The following SORCS1 variants were observed in gnomAD, a reference collection of about 807,000 sequenced individuals.
SORCS1 encodes the protein VPS10 domain-containing receptor SorCS1.
Under a neutral mutation model 146.1 loss-of-function variants are expected in SORCS1, and 60 were observed. The ratio of observed to expected loss-of-function variants is 0.41; its 90% CI spans 0.33 to 0.51. SORCS1 has a LOEUF of 0.51. SORCS1 is among the 20% of genes least tolerant of loss of function. The probability of loss-of-function intolerance (pLI) is 0.21; values close to 1 mark genes in which losing one functional copy is unlikely to be tolerated. For missense variants in SORCS1, 1,352 were observed against 1,487.6 expected (o/e 0.91, Z 1.50); for synonymous variants, 637 against 584.0 (o/e 1.09, Z -1.31).
chr10:106,873,353 A>G (rs1950481906), intron 2 of SORCS1, among the ~76,000 whole-genome samples: 1 of 152,012 alleles, frequency 6.6e-6, no homozygotes, highest in Non-Finnish European at 1.5e-5. Flanking sequence ...CTTGATATTT[A>G]TATTCCTAGA....
At chr10:106,627,637 C>T (rs563228667) in intron 19 of SORCS1, among the ~76,000 whole-genome samples, 49 of 152,222 alleles carry the variant, frequency 3.2e-4, no homozygotes, top group Non-Finnish European at 4.6e-4. Context: ...CTATATAGGA[C>T]GAGTTAGGGA....
intron 1 of SORCS1, among the ~76,000 whole-genome samples, chr10:106,976,972 C>G (rs971223403): frequency 2.6e-5 from 4 of 152,170 alleles, no homozygotes; most frequent in Non-Finnish European, 4.4e-5. Flanking sequence ...CATGTCTTTG[C>G]TATTGCAAAC....
chr10:106,579,138 C>T lies in SORCS1; in HGVS notation c.3371+231G>A, dbSNP rs747172203. ...CTCATCTATAAGCTGGCCAGGCCTC[C>T]TTAGTTCAGTCTGAGGGACATTGGG... On this transcript the variant is annotated intron_variant, in intron 25 of 25. Coordinates refer to ENST00000263054, the MANE Select transcript of SORCS1 (RefSeq NM_052918.5). The T allele has an allele frequency of 3.3e-5, 54 of 1,613,996 alleles. No homozygotes were observed. In the South Asian group the frequency reaches 5.3e-4, roughly 16 times the overall value.
At chr10:107,038,925 A>G (rs1271823653) in intron 1 of SORCS1, among the ~76,000 whole-genome samples, 2 of 152,214 alleles carry the variant, frequency 1.3e-5, no homozygotes, top group African/African-American at 2.4e-5. Flanking sequence ...GAGTTAATGC[A>G]AAATAAAGAG....
At chr10:106,907,905 A>G (rs976746867) in intron 2 of SORCS1, among the ~76,000 whole-genome samples, 1 of 152,070 alleles carries the variant, frequency 6.6e-6, no homozygotes, top group Non-Finnish European at 1.5e-5. Context: ...CAAAAAAAAA[A>G]AAAATTACAT....
At chr10:106,665,249 C>A (rs1408431881) in intron 17 of SORCS1, among the ~76,000 whole-genome samples, 1 of 152,008 alleles carries the variant, frequency 6.6e-6, no homozygotes, top group Non-Finnish European at 1.5e-5. Context: ...AAGTCTCACC[C>A]CCTCAAGTGG....
chr10:106,949,857 G>C (rs2138885243), intron 2 of SORCS1, among the ~76,000 whole-genome samples: 1 of 152,312 alleles, frequency 6.6e-6, no homozygotes, highest in East Asian at 1.9e-4. Context: ...TGCTTTAAGA[G>C]AGTAGACTTC....
At chr10:107,048,388 T>C (rs1441248894) in intron 1 of SORCS1, among the ~76,000 whole-genome samples, 2 of 152,196 alleles carry the variant, frequency 1.3e-5, no homozygotes, top group East Asian at 3.8e-4. Flanking sequence ...GCCTCATTTT[T>C]CTTCATGGTC....
chr10:106,735,207 A>C (rs2136053251), intron 5 of SORCS1, among the ~76,000 whole-genome samples: 1 of 152,212 alleles, frequency 6.6e-6, no homozygotes, highest in South Asian at 2.1e-4. Flanking sequence ...ATGATCTATC[A>C]AAATTATTGA....
At chr10:106,859,002 T>C (rs1029312051) in intron 2 of SORCS1, among the ~76,000 whole-genome samples, 4 of 152,228 alleles carry the variant, frequency 2.6e-5, no homozygotes, top group African/African-American at 9.6e-5. Context: ...GTTGCAGTAG[T>C]CCAGGTAAAT....
intron 2 of SORCS1, among the ~76,000 whole-genome samples, chr10:106,863,092 GAAAC>G (rs948475134): frequency 2.5e-4 from 38 of 152,054 alleles, no homozygotes; most frequent in Non-Finnish European, 4.1e-4. Context: ...AAACAAAACA[GAAAC>G]AAACAAAGAG....
intron 3 of SORCS1, among the ~76,000 whole-genome samples, chr10:106,804,040 C>T (rs988598536): frequency 6.6e-6 from 1 of 152,116 alleles, no homozygotes; most frequent in African/African-American, 2.4e-5. Flanking sequence ...AAGGAATTTC[C>T]AAACCTGAGT....
At chr10:107,051,039 C>T (rs1400006659) in intron 1 of SORCS1, among the ~76,000 whole-genome samples, 1 of 152,084 alleles carries the variant, frequency 6.6e-6, no homozygotes, top group African/African-American at 2.4e-5. Flanking sequence ...TCCCTCCCTT[C>T]CTTCCACAAA....
chr10:107,055,721 G>A (rs933928205), intron 1 of SORCS1, among the ~76,000 whole-genome samples: 1 of 152,112 alleles, frequency 6.6e-6, no homozygotes, highest in Non-Finnish European at 1.5e-5. Context: ...TAATACGGCT[G>A]AACATTTCTA....
At chr10:106,818,711 A>C (rs1947866702) in intron 3 of SORCS1, among the ~76,000 whole-genome samples, 1 of 152,216 alleles carries the variant, frequency 6.6e-6, no homozygotes. Context: ...ATGTTTTACG[A>C]GTCTAAATAG....
At chr10:106,801,753 A>G (rs560233739) in intron 3 of SORCS1, among the ~76,000 whole-genome samples, 2 of 152,100 alleles carry the variant, frequency 1.3e-5, no homozygotes, top group African/African-American at 2.4e-5. Flanking sequence ...GACGGTCTCG[A>G]TCTCCTGACC....
chr10:107,024,902 G>T (rs1226841418), intron 1 of SORCS1, among the ~76,000 whole-genome samples: 3 of 152,144 alleles, frequency 2.0e-5, no homozygotes, highest in Non-Finnish European at 1.5e-5. Flanking sequence ...ATTACAGAAG[G>T]ATTTAGACAG....
chr10:106,916,951 C>T (rs1323213887), intron 2 of SORCS1, among the ~76,000 whole-genome samples: 1 of 152,144 alleles, frequency 6.6e-6, no homozygotes, highest in East Asian at 1.9e-4. Context: ...CCATGTTGGC[C>T]AGGCTGGTCT....
Position 106,637,515 on chromosome 10 carries a change from C to G in SORCS1, c.2476-8127G>C, listed in dbSNP as rs1017278276. ...ACACGTCTTTCTCCAAATGTGCAGA[C>G]CTCCTGAGCTTCTGTGCAAGCAAAA... On this transcript the variant is annotated intron_variant, in intron 18 of 25. Coordinates refer to ENST00000263054, the MANE Select transcript of SORCS1 (RefSeq NM_052918.5). 2.6e-5 allele frequency among the ~76,000 whole-genome samples: 4 copies of G among 152,180 alleles called. No individual in the cohort carries two copies. The East Asian group carries it at 7.7e-4, about 29-fold the overall frequency.
Sources: allele counts gnomAD v4.1 joint callset (sites outside exome capture counted in the v4.1 genomes callset), GRCh38; gene constraint gnomAD v4.1.1; transcripts MANE v1.5; gene names NCBI Gene and HGNC (gene_info 2026-07-23, HGNC 2026-07-21).